The following AKT3 variants were observed in gnomAD, a reference collection of about 807,000 sequenced individuals.
AKT3 encodes the protein RAC-gamma serine/threonine-protein kinase.
In AKT3, 15 loss-of-function variants were observed where a neutral mutation model predicts 65.3. The ratio of observed to expected loss-of-function variants is 0.23; its 90% confidence interval spans 0.15 to 0.35. The LOEUF (loss-of-function observed/expected upper bound fraction) is 0.35. Among genes scored for constraint, AKT3 ranks in the 10% least tolerant of loss-of-function variants. AKT3 has a pLI of 1.00. For synonymous variants in AKT3, 206 were observed against 183.8 expected (o/e 1.12, Z -0.98); for missense variants, 243 against 576.5 (o/e 0.42, Z 5.92).
chr1:243,575,034 G>A (rs968068257), intron 8 of AKT3, among the ~76,000 whole-genome samples: 35 of 152,064 alleles, frequency 2.3e-4, no homozygotes, highest in African/African-American at 8.5e-4. Flanking sequence ...TTAAGGGTAA[G>A]AATTTACTTC....
At chr1:243,812,929 A>C (rs1163027128) in intron 2 of AKT3, among the ~76,000 whole-genome samples, 1 of 151,126 alleles carries the variant, frequency 6.6e-6, no homozygotes, top group African/African-American at 2.4e-5. Flanking sequence ...ACAAAAAACC[A>C]AACATCGCAT....
intron 2 of AKT3, among the ~76,000 whole-genome samples, chr1:243,793,956 G>C (rs1041959704): frequency 6.6e-6 from 1 of 152,120 alleles, no homozygotes; most frequent in Non-Finnish European, 1.5e-5. Context: ...TGGTTACATA[G>C]CAGAAAAATG....
chr1:243,607,640 G>A (rs753630369), intron 8 of AKT3, among the ~76,000 whole-genome samples: 1 of 152,194 alleles, frequency 6.6e-6, no homozygotes, highest in Non-Finnish European at 1.5e-5. Context: ...GGATATTGCT[G>A]AAATGAATTA....
At position 243,556,011 on chromosome 1, in the gene AKT3, T is replaced by G. The variant is rs1030773007; in HGVS notation, c.949-3068A>C. Among the ~76,000 whole-genome samples, 6 of 152,062 alleles carry G rather than the reference T, an allele frequency of 3.9e-5. 1 individual carries two copies. Among genetic ancestry groups the G allele is most frequent in the Admixed American group, 2.0e-4 (3 of 15,244 alleles). Reference sequence around the variant, plus strand: ...CCCAAACAGAGATGAAAGAGGAGATTTGGAACATCAAAAAAATGTAATTGT... The same window carrying G: ...CCCAAACAGAGATGAAAGAGGAGATGTGGAACATCAAAAAAATGTAATTGT... On this transcript the variant is annotated intron_variant, in intron 10 of 13. Transcript: ENST00000673466.
intron 3 of AKT3, among the ~76,000 whole-genome samples, chr1:243,669,655 A>C (rs1683035445): frequency 6.6e-6 from 1 of 152,186 alleles, no homozygotes; most frequent in African/African-American, 2.4e-5. Context: ...AAATGCTATA[A>C]TTTAAAGAAC....
rs144001018 is a variant in AKT3 at position 243,509,550 on chromosome 1, A to C, written c.1354+2774T>G. On this transcript the variant is annotated intron_variant, in intron 13 of 13. Coordinates refer to ENST00000673466, the MANE Select transcript of AKT3 (RefSeq NM_005465.7). Reference sequence around the variant, plus strand: ...ATTGACCTTATTTGTACCCAAATCCATTTTGATTTGCTCTGGTCTTTCTAG... The same window carrying C: ...ATTGACCTTATTTGTACCCAAATCCCTTTTGATTTGCTCTGGTCTTTCTAG... Among the ~76,000 whole-genome samples, 619 of 152,206 alleles carry C rather than the reference A, an allele frequency of 4.1e-3. 6 individuals carry two copies. Among genetic ancestry groups the C allele is most frequent in the African/African-American group, 0.014 (602 of 41,528 alleles).
intron 2 of AKT3, among the ~76,000 whole-genome samples, chr1:243,838,721 T>C (rs1695052208): frequency 6.6e-6 from 1 of 152,170 alleles, no homozygotes; most frequent in South Asian, 2.1e-4. Flanking sequence ...AAAATCTTTA[T>C]CCTGGCATTA....
chr1:243,488,910 C>T, intron 13 of AKT3: 4 of 1,561,672 alleles, frequency 2.6e-6, no homozygotes, highest in Non-Finnish European at 3.5e-6. Flanking sequence ...AGGCGTCCTG[C>T]TCATGGTTCC....
Position 243,811,957 on chromosome 1 carries a change from C to T in AKT3, c.46+31168G>A, listed in dbSNP as rs1355835008. On this transcript the variant is annotated intron_variant, in intron 2 of 13. Coordinates refer to ENST00000673466, the MANE Select transcript of AKT3 (RefSeq NM_005465.7). The stretch of plus-strand genomic sequence containing the variant: ...TATTTAATAAATGGTGCTGGGAAAA[C>T]TGGCTAACCATATGTAGAAAGCTGA... 2.6e-5 allele frequency among the ~76,000 whole-genome samples: 4 copies of T among 152,242 alleles called. No individual in the cohort carries two copies. In the South Asian group the frequency reaches 6.2e-4, roughly 24 times the overall value.
At chr1:243,676,229 A>G (rs1683500060) in intron 3 of AKT3, among the ~76,000 whole-genome samples, 1 of 152,230 alleles carries the variant, frequency 6.6e-6, no homozygotes, top group African/African-American at 2.4e-5. Context: ...AGGCCAATGC[A>G]GATTACCTTC....
intron 2 of AKT3, among the ~76,000 whole-genome samples, chr1:243,786,527 T>C (rs950440763): frequency 6.6e-6 from 1 of 152,202 alleles, no homozygotes; most frequent in African/African-American, 2.4e-5. Flanking sequence ...ACCACAAATA[T>C]CTTCAATTAA....
At chr1:243,616,030 T>C (rs570882753) in intron 6 of AKT3, among the ~76,000 whole-genome samples, 11 of 152,010 alleles carry the variant, frequency 7.2e-5, no homozygotes, top group African/African-American at 1.7e-4. Flanking sequence ...TTGTTTTTTT[T>C]CCTTTGGTTG....
chr1:243,551,577 T>C (rs753929532), intron 11 of AKT3, among the ~76,000 whole-genome samples: 1 of 150,576 alleles, frequency 6.6e-6, no homozygotes, highest in Non-Finnish European at 1.5e-5. Context: ...ATATATATAA[T>C]ATATATATAT....
chr1:243,841,588 G>A (rs1160487788), intron 2 of AKT3, among the ~76,000 whole-genome samples: 3 of 152,102 alleles, frequency 2.0e-5, no homozygotes, highest in South Asian at 2.1e-4. Context: ...CAGGCACATC[G>A]GAAAACAGCT....
intron 6 of AKT3, among the ~76,000 whole-genome samples, chr1:243,629,791 C>T (rs916970045): frequency 6.6e-6 from 1 of 151,952 alleles, no homozygotes; most frequent in African/African-American, 2.4e-5. Flanking sequence ...GACTTTGTCT[C>T]CAAAAATAAA....
chr1:243,554,742 G>A (rs1045156215), intron 10 of AKT3, among the ~76,000 whole-genome samples: 1 of 151,576 alleles, frequency 6.6e-6, no homozygotes, highest in African/African-American at 2.4e-5. Flanking sequence ...CAACACAACA[G>A]TGGCATATAC....
chr1:243,534,893 A>G (rs1385212499), intron 12 of AKT3, among the ~76,000 whole-genome samples: 1 of 152,120 alleles, frequency 6.6e-6, no homozygotes, highest in Non-Finnish European at 1.5e-5. Flanking sequence ...GATCGAAAAC[A>G]AATAATCTAA....
intron 2 of AKT3, among the ~76,000 whole-genome samples, chr1:243,711,122 A>C (rs980114992): frequency 6.6e-6 from 1 of 152,132 alleles, no homozygotes; most frequent in African/African-American, 2.4e-5. Context: ...AGTTACAGAC[A>C]AGCCTGGCCA....
intron 3 of AKT3, among the ~76,000 whole-genome samples, chr1:243,666,080 C>T (rs1682750045): frequency 6.6e-6 from 1 of 152,012 alleles, no homozygotes; most frequent in Non-Finnish European, 1.5e-5. Context: ...CTCGGCTCAC[C>T]GTAACCTCTG....
Sources: allele counts gnomAD v4.1 joint callset (sites outside exome capture counted in the v4.1 genomes callset), GRCh38; gene constraint gnomAD v4.1.1; transcripts MANE v1.5; gene names NCBI Gene and HGNC (gene_info 2026-07-23, HGNC 2026-07-21).